MIPOL1: variants seen among roughly 807,000 people sequenced by gnomAD.
The protein encoded by MIPOL1 is mirror-image polydactyly gene 1 protein.
In MIPOL1, 57 loss-of-function variants were observed where a neutral mutation model predicts 60.9. The ratio of observed to expected loss-of-function variants is 0.94; its 90% CI spans 0.76 to 1.17. The LOEUF (loss-of-function observed/expected upper bound fraction) is 1.17. MIPOL1 is among the 50% of genes most tolerant of loss of function. MIPOL1 has a pLI of 0.00. For missense variants in MIPOL1, 551 were observed against 511.6 expected (o/e 1.08, Z -0.74); for synonymous variants, 179 against 168.8 (o/e 1.06, Z -0.47).
chr14:37,502,685 A>T (rs2095231970), intron 12 of MIPOL1: 1 of 152,232 alleles, frequency 6.6e-6, no homozygotes, highest in African/African-American at 2.4e-5. Context: ...AGAAAATCTG[A>T]AAATTCTAAA....
intron 10 of MIPOL1, among the ~76,000 whole-genome samples, chr14:37,372,178 G>A (rs535585220): frequency 6.6e-6 from 1 of 152,026 alleles, no homozygotes; most frequent in East Asian, 1.9e-4. Flanking sequence ...GAATTACACT[G>A]AAATTCCTAA....
At chr14:37,387,814 G>A (rs2093116802) in intron 10 of MIPOL1, among the ~76,000 whole-genome samples, 1 of 151,740 alleles carries the variant, frequency 6.6e-6, no homozygotes, top group Non-Finnish European at 1.5e-5. Flanking sequence ...AATATTGGGT[G>A]TTTTACAATC....
intron 1 of MIPOL1, among the ~76,000 whole-genome samples, chr14:37,238,120 A>G (rs1369903698): frequency 1.3e-5 from 2 of 152,136 alleles, no homozygotes; most frequent in African/African-American, 2.4e-5. Flanking sequence ...GGCAAACACT[A>G]TCTTCTCCCT....
chr14:37,464,783 T>C (rs957896035), intron 11 of MIPOL1, among the ~76,000 whole-genome samples: 1 of 152,238 alleles, frequency 6.6e-6, no homozygotes, highest in Non-Finnish European at 1.5e-5. Context: ...GGTTAGTTAA[T>C]GCAACTTATC....
intron 9 of MIPOL1, among the ~76,000 whole-genome samples, chr14:37,349,218 C>T (rs1370655615): frequency 6.6e-6 from 1 of 151,976 alleles, no homozygotes; most frequent in African/African-American, 2.4e-5. Context: ...GTACTCCTGA[C>T]CTCAGGTGAT....
intron 10 of MIPOL1, among the ~76,000 whole-genome samples, chr14:37,404,582 T>A (rs1242771082): frequency 6.6e-6 from 1 of 152,178 alleles, no homozygotes; most frequent in Non-Finnish European, 1.5e-5. Context: ...CTCCAGAAAT[T>A]GCATAATGGA....
intron 11 of MIPOL1, among the ~76,000 whole-genome samples, chr14:37,464,008 A>G (rs1008009599): frequency 1.3e-5 from 2 of 152,212 alleles, no homozygotes; most frequent in African/African-American, 4.8e-5. Context: ...TATGAAAACA[A>G]TACTCAAATC....
chr14:37,461,305 T>C (rs1426060693), intron 11 of MIPOL1, among the ~76,000 whole-genome samples: 1 of 152,144 alleles, frequency 6.6e-6, no homozygotes, highest in Non-Finnish European at 1.5e-5. Flanking sequence ...TGGATGTCAG[T>C]GGGCAAAGAG....
chr14:37,308,950 T>C (rs2087035925), intron 9 of MIPOL1, among the ~76,000 whole-genome samples: 1 of 151,988 alleles, frequency 6.6e-6, no homozygotes. Context: ...TATTCATGTA[T>C]TTTTTTCTGA....
At chr14:37,509,326 G>A (rs1482394154) in intron 12 of MIPOL1, among the ~76,000 whole-genome samples, 1 of 151,468 alleles carries the variant, frequency 6.6e-6, no homozygotes, top group African/African-American at 2.4e-5. Context: ...GTATGCATGT[G>A]TATATATATC....
rs1038671219 is a variant in MIPOL1, at chr14:37,308,470, C to T, written c.779C>T (p.Ala260Val). Residue 260 changes from alanine to valine, a missense_variant, in exon 9 of 13, where the codon GCA becomes GTA. Physicochemically the swap from Ala to Val is moderately conservative, Grantham distance 64. Transcript: ENST00000684589. ...KTKECKMRIT[A>V]EEMSALIEER... is the part of the protein sequence containing the mutation. ...AAGGAATGTAAAATGAGAATAACTG[C>T]AGAAGAAATGAGTGCACTAATAGAA... 1 of 1,602,320 alleles carries T rather than the reference C, an allele frequency of 6.2e-7. No homozygotes were observed. The highest frequency in any genetic ancestry group is 8.5e-7 in the Non-Finnish European group (1 of 1,175,750).
intron 11 of MIPOL1, among the ~76,000 whole-genome samples, chr14:37,483,063 A>G (rs1292602393): frequency 6.6e-6 from 1 of 151,934 alleles, no homozygotes; most frequent in African/African-American, 2.4e-5. Flanking sequence ...CTATATGTTT[A>G]GGGAATAATC....
intron 9 of MIPOL1, among the ~76,000 whole-genome samples, chr14:37,312,116 A>G (rs1221329575): frequency 6.6e-6 from 1 of 152,004 alleles, no homozygotes; most frequent in Non-Finnish European, 1.5e-5. Context: ...TTAACTTTTT[A>G]CTTACTCTGA....
At chr14:37,312,336 C>T (rs2087419273) in intron 9 of MIPOL1, among the ~76,000 whole-genome samples, 1 of 152,118 alleles carries the variant, frequency 6.6e-6, no homozygotes, top group African/African-American at 2.4e-5. Flanking sequence ...GTCTAGAACT[C>T]CTGACCTCAA....
chr14:37,292,582 G>A (rs1054948276), intron 7 of MIPOL1, among the ~76,000 whole-genome samples: 1 of 142,500 alleles, frequency 7.0e-6, no homozygotes, highest in African/African-American at 2.6e-5. Context: ...CTGGGTTCAA[G>A]CTATTCTCCT....
At chr14:37,520,010 A>C (rs1029080464) in intron 12 of MIPOL1, among the ~76,000 whole-genome samples, 1 of 152,128 alleles carries the variant, frequency 6.6e-6, no homozygotes, top group Admixed American at 6.5e-5. Context: ...ATCAATCATC[A>C]TATCTATCAA....
intron 11 of MIPOL1, among the ~76,000 whole-genome samples, chr14:37,445,105 G>A (rs1241162387): frequency 6.6e-6 from 1 of 152,094 alleles, no homozygotes; most frequent in African/African-American, 2.4e-5. Context: ...ACAATAAAGG[G>A]TATTCAGTTA....
intron 12 of MIPOL1, among the ~76,000 whole-genome samples, chr14:37,536,844 A>C (rs533762182): frequency 3.9e-5 from 6 of 152,208 alleles, no homozygotes; most frequent in Non-Finnish European, 8.8e-5. Context: ...AAGAACCATA[A>C]TAATTTTCTA....
intron 7 of MIPOL1, among the ~76,000 whole-genome samples, chr14:37,294,934 A>T (rs1417920960): frequency 6.6e-6 from 1 of 152,206 alleles, no homozygotes; most frequent in Non-Finnish European, 1.5e-5. Context: ...TCACTATTCA[A>T]ATTCAGGAAT....
Sources: allele counts gnomAD v4.1 joint callset (sites outside exome capture counted in the v4.1 genomes callset), GRCh38; gene constraint gnomAD v4.1.1; transcripts MANE v1.5; gene names NCBI Gene and HGNC (gene_info 2026-07-23, HGNC 2026-07-21).